Variants in CAST observed in about 807,000 individuals in gnomAD.
CAST encodes MIR583 host.
In CAST, 76 loss-of-function variants were observed where a neutral mutation model predicts 119.6. The ratio of observed to expected loss-of-function variants is 0.64; its 90% confidence interval spans 0.53 to 0.77. The LOEUF (loss-of-function observed/expected upper bound fraction) is 0.77, where lower values mean the gene tolerates loss of function less well. CAST is among the 30% of genes least tolerant of loss of function. The pLI is 0.00. For synonymous variants in CAST, 319 were observed against 331.6 expected (o/e 0.96, Z 0.41); for missense variants, 953 against 946.5 (o/e 1.01, Z -0.09).
At chr5:96,443,713 C>A in the CAST span, among the ~76,000 whole-genome samples, 1 of 152,160 alleles carries the variant, frequency 6.6e-6, no homozygotes, top group South Asian at 2.1e-4. Flanking sequence ...ATGGGTCACA[C>A]CAGGTGATTC....
At chr5:96,326,513 C>G in the CAST span, among the ~76,000 whole-genome samples, 1 of 152,144 alleles carries the variant, frequency 6.6e-6, no homozygotes, top group African/African-American at 2.4e-5. Context: ...CCAGCTCAAG[C>G]ATCTTTTTCT....
At chr5:96,210,383 GT>G in the CAST span, among the ~76,000 whole-genome samples, 1 of 151,896 alleles carries the variant, frequency 6.6e-6, no homozygotes, top group East Asian at 1.9e-4. Flanking sequence ...GTATGTTGAG[GT>G]TCATATTTAT....
At chr5:96,457,053 C>T in the CAST span, among the ~76,000 whole-genome samples, 7 of 152,252 alleles carry the variant, frequency 4.6e-5, no homozygotes, top group South Asian at 2.1e-4. Context: ...TACCCAGTCT[C>T]GAGTATGTCT....
chr5:96,420,138 A>T, the CAST span, among the ~76,000 whole-genome samples: 53 of 152,342 alleles, frequency 3.5e-4, no homozygotes, highest in East Asian at 8.5e-3. Context: ...CCAAGTGCTT[A>T]TTAGCCATTT....
chr5:96,164,150 A>G, the CAST span, among the ~76,000 whole-genome samples: 1,183 of 152,296 alleles, frequency 7.8e-3, 18 homozygotes, highest in African/African-American at 0.027. Flanking sequence ...TCTCACATAC[A>G]TATGTTTTGG....
chr5:96,217,498 G>C, the CAST span, among the ~76,000 whole-genome samples: 5 of 151,994 alleles, frequency 3.3e-5, no homozygotes, highest in Non-Finnish European at 7.4e-5. Context: ...TTGTGGTAAG[G>C]TACCAGCCAT....
chr5:96,400,839 G>A, the CAST span, among the ~76,000 whole-genome samples: 1 of 139,962 alleles, frequency 7.1e-6, no homozygotes, highest in Non-Finnish European at 1.5e-5. Flanking sequence ...TGTAATCCCA[G>A]CACTTTGGGA....
chr5:96,137,317 A>G, the CAST span, among the ~76,000 whole-genome samples: 46,979 of 152,022 alleles, frequency 0.31, 7,350 homozygotes, highest in East Asian at 0.37. Context: ...TATAAGATTA[A>G]TACATGTCTT....
the CAST span, among the ~76,000 whole-genome samples, chr5:96,212,037 G>A: frequency 1.3e-5 from 2 of 151,958 alleles, no homozygotes; most frequent in African/African-American, 4.8e-5. Context: ...TGTCAGTCTT[G>A]CTAGAGTTTT....
the CAST span, among the ~76,000 whole-genome samples, chr5:96,505,812 G>T: frequency 3.9e-5 from 6 of 152,186 alleles, no homozygotes; most frequent in Non-Finnish European, 7.3e-5. Flanking sequence ...ACATCCACAG[G>T]CTTCATCAAC....
the CAST span, among the ~76,000 whole-genome samples, chr5:96,050,522 T>C: frequency 2.0e-5 from 3 of 152,112 alleles, no homozygotes; most frequent in Non-Finnish European, 4.4e-5. Flanking sequence ...GATGGGCGTG[T>C]GTGGTAAGAT....
At chr5:96,691,377 C>A (rs1274387081) in intron 2 of CAST, among the ~76,000 whole-genome samples, 1 of 152,176 alleles carries the variant, frequency 6.6e-6, no homozygotes, top group Non-Finnish European at 1.5e-5. Context: ...TTAACAGTAT[C>A]CCATTATTAG....
chr5:96,412,184 G>T, the CAST span: 2 of 835,206 alleles, frequency 2.4e-6, no homozygotes, highest in South Asian at 1.5e-5. Flanking sequence ...CCCTCTAAGT[G>T]CATTTAAAAT....
At chr5:96,348,387 GGA>G in the CAST span, among the ~76,000 whole-genome samples, 7 of 149,412 alleles carry the variant, frequency 4.7e-5, no homozygotes, top group Admixed American at 1.3e-4. Context: ...AGAGGGAGAG[GGA>G]GAGAGAGAGA....
At chr5:96,425,674 A>T in the CAST span, 1 of 657,670 alleles carries the variant, frequency 1.5e-6, no homozygotes, top group Non-Finnish European at 2.7e-6. Flanking sequence ...GATCAAGAAG[A>T]TCCCATCAGC....
the CAST span, among the ~76,000 whole-genome samples, chr5:96,143,729 TA>T: frequency 3.3e-5 from 5 of 152,192 alleles, no homozygotes; most frequent in East Asian, 3.9e-4. Flanking sequence ...GACAAGCTTG[TA>T]AAAAAAAGTT....
At chr5:96,546,206 T>A (rs1034751465) in intron 1 of CAST, 1 of 149,706 alleles carries the variant, frequency 6.7e-6, no homozygotes, top group South Asian at 2.1e-4. Flanking sequence ...TAAGTCAGAT[T>A]TTTTTTTTCT....
At chr5:96,646,574 T>C (rs1748016373) in intron 1 of CAST, among the ~76,000 whole-genome samples, 1 of 152,248 alleles carries the variant, frequency 6.6e-6, no homozygotes, top group African/African-American at 2.4e-5. Context: ...ATAAATTTTC[T>C]TCATAACCAC....
At chr5:96,508,759 C>A in the CAST span, among the ~76,000 whole-genome samples, 4 of 152,150 alleles carry the variant, frequency 2.6e-5, no homozygotes, top group Non-Finnish European at 5.9e-5. Context: ...AATAATGCCA[C>A]CTTTGTTTCT....
Sources: allele counts gnomAD v4.1 joint callset (sites outside exome capture counted in the v4.1 genomes callset), GRCh38; gene constraint gnomAD v4.1.1; transcripts MANE v1.5; gene names NCBI Gene and HGNC (gene_info 2026-07-23, HGNC 2026-07-21).